The following COMMD1 variants were observed in gnomAD, a reference collection of about 807,000 sequenced individuals.
The protein encoded by COMMD1 is COMM domain-containing protein 1.
In COMMD1, 10 loss-of-function variants were observed where a neutral mutation model predicts 17.2. The ratio of observed to expected loss-of-function variants is 0.58; its 90% confidence interval spans 0.36 to 0.99. COMMD1 has a LOEUF of 0.99. Ranked by LOEUF, COMMD1 falls within the 50% of genes least tolerant of loss-of-function variation. The pLI is 0.01. For synonymous variants in COMMD1, 97 were observed against 91.6 expected, an observed-to-expected ratio of 1.06 and a Z score of -0.34; for missense variants, 270 against 231.8, an observed-to-expected ratio of 1.17 and a Z score of -1.07.
chr2:62,089,378 C>CG (rs895399490), intron 2 of COMMD1, among the ~76,000 whole-genome samples: 1 of 151,542 alleles, frequency 6.6e-6, no homozygotes, highest in African/African-American at 2.4e-5. Context: ...CTAAGCCCCC[C>CG]GGGTTCAAGT....
At chr2:61,990,933 C>CACACACACACACACAT (rs1672235968) in intron 1 of COMMD1, among the ~76,000 whole-genome samples, 1 of 150,206 alleles carries the variant, frequency 6.7e-6, no homozygotes, top group African/African-American at 2.5e-5. Flanking sequence ...CACACACACA[C>CACACACACACACACAT]ACACACATAA....
chr2:61,898,649 A>G lies in COMMD1; in HGVS notation n.119+9807A>G, dbSNP rs138508414. 1.1e-3 allele frequency among the ~76,000 whole-genome samples: 173 copies of G among 152,266 alleles called. 4 individuals carry two copies. In the East Asian group the frequency reaches 0.029, roughly 25 times the overall value. ...TTTTATATAATATTTTAATGTTTTC[A>G]GAGGTGGAAAACCTCATTAAAAAAA... is the stretch of plus-strand genomic sequence containing the variant. On this transcript the variant is annotated intron_variant and non_coding_transcript_variant, in intron 1 of 2. Transcript: ENST00000472729.
intron 1 of COMMD1, among the ~76,000 whole-genome samples, chr2:61,983,391 G>A (rs1221516329): frequency 6.6e-6 from 1 of 151,896 alleles, no homozygotes; most frequent in Non-Finnish European, 1.5e-5. Context: ...GGGGTTTACC[G>A]TGTTAGCCAG....
At chr2:61,920,838 A>T (rs969248876) in intron 1 of COMMD1, among the ~76,000 whole-genome samples, 11 of 151,746 alleles carry the variant, frequency 7.2e-5, no homozygotes, top group African/African-American at 2.4e-4. Flanking sequence ...CCTAACCCTT[A>T]AAGATTTTTA....
intron 1 of COMMD1, 144 bp downstream of exon 1, chr2:61,906,002 G>T: frequency 1.3e-6 from 1 of 795,604 alleles, no homozygotes; most frequent in Non-Finnish European, 2.1e-6. Context: ...TCCACATCGG[G>T]CTCCTTCAGA....
intron 1 of COMMD1, among the ~76,000 whole-genome samples, chr2:61,942,897 A>G (rs998372420): frequency 6.6e-6 from 1 of 152,184 alleles, no homozygotes; most frequent in Non-Finnish European, 1.5e-5. Flanking sequence ...CCAAAAACAC[A>G]TAACAGAATA....
At chr2:62,016,836 A>G (rs1669464393) in intron 2 of COMMD1, among the ~76,000 whole-genome samples, 1 of 152,152 alleles carries the variant, frequency 6.6e-6, no homozygotes. Context: ...TAAGGGTTCT[A>G]TAGTTTTCAC....
rs1380782291 is a variant in COMMD1, at chr2:61,922,629, G to A, written c.180+16771G>A. On this transcript the variant is annotated intron_variant, in intron 1 of 2. Transcript: ENST00000311832. ...CCATGCCCGGCCTAGGATTGTGGTA[G>A]TTTTATTATAAAAATTTGCGAGGTT... Among the ~76,000 whole-genome samples the A allele has an allele frequency of 2.0e-5, 3 of 152,110 alleles. No individual in the cohort carries two copies. In the East Asian group the frequency reaches 5.8e-4, roughly 29 times the overall value.
chr2:61,963,143 G>C (rs1168986042), intron 1 of COMMD1, among the ~76,000 whole-genome samples: 2 of 148,260 alleles, frequency 1.3e-5, no homozygotes, highest in Non-Finnish European at 3.0e-5. Flanking sequence ...CTGGGTGACA[G>C]AGTGAGACCC....
chr2:62,102,055 C>T (rs1672197186), intron 2 of COMMD1, among the ~76,000 whole-genome samples: 3 of 152,204 alleles, frequency 2.0e-5, no homozygotes, highest in Admixed American at 2.0e-4. Flanking sequence ...CCAGCCACCA[C>T]TCATCTCATT....
At chr2:61,998,954 C>G (rs1668846203) in intron 1 of COMMD1, among the ~76,000 whole-genome samples, 1 of 152,094 alleles carries the variant, frequency 6.6e-6, no homozygotes, top group Admixed American at 6.6e-5. Context: ...AAGAATTCCA[C>G]TAGTAACATT....
chr2:62,041,096 C>T (rs13393386), intron 2 of COMMD1, among the ~76,000 whole-genome samples: 1,847 of 152,300 alleles, frequency 0.012, 30 homozygotes, highest in African/African-American at 0.042. Context: ...CAGTCCATGC[C>T]ACCAGAAACT....
intron 1 of COMMD1, among the ~76,000 whole-genome samples, chr2:61,973,623 G>T (rs565297602): frequency 4.5e-4 from 68 of 152,164 alleles, no homozygotes; most frequent in Non-Finnish European, 2.4e-4. Flanking sequence ...TTTTCATACT[G>T]CTATTTTGTT....
intron 2 of COMMD1, among the ~76,000 whole-genome samples, chr2:62,028,030 T>C (rs1339062551): frequency 1.3e-5 from 2 of 152,176 alleles, no homozygotes; most frequent in African/African-American, 4.8e-5. Context: ...TGTTAGCCTG[T>C]TCAGTGCATT....
intron 2 of COMMD1, among the ~76,000 whole-genome samples, chr2:62,075,197 A>G (rs1250887099): frequency 6.6e-6 from 1 of 152,066 alleles, no homozygotes; most frequent in South Asian, 2.1e-4. Flanking sequence ...CCTGGTGCAC[A>G]TGTTTTTTAA....
intron 1 of COMMD1, among the ~76,000 whole-genome samples, chr2:61,975,118 C>CTTTCTTTT (rs375361774): frequency 2.5e-5 from 2 of 80,168 alleles, no homozygotes; most frequent in Non-Finnish European, 4.7e-5. Flanking sequence ...TCATTTCTTT[C>CTTTCTTTT]TTTTTTTTTT....
At chr2:62,056,995 T>C (rs919891239) in intron 2 of COMMD1, among the ~76,000 whole-genome samples, 3 of 152,188 alleles carry the variant, frequency 2.0e-5, no homozygotes, top group East Asian at 3.9e-4. Context: ...TTTTCTGCAG[T>C]GACAGCAACC....
intron 2 of COMMD1, among the ~76,000 whole-genome samples, chr2:62,104,550 C>T (rs1174436524): frequency 2.0e-5 from 3 of 146,780 alleles, no homozygotes; most frequent in Admixed American, 6.9e-5. Context: ...AGGAGAATCA[C>T]TTGAAGCCAG....
At chr2:61,908,245 T>TG (rs1318089995) in intron 1 of COMMD1, among the ~76,000 whole-genome samples, 1 of 150,960 alleles carries the variant, frequency 6.6e-6, no homozygotes, top group Non-Finnish European at 1.5e-5. Flanking sequence ...TTTTTTTTTT[T>TG]GAGACGGAGT....
Sources: gnomAD v4.1 joint callset for allele counts (sites outside exome capture counted in the v4.1 genomes callset) on GRCh38, gnomAD v4.1.1 for gene constraint, MANE v1.5 for transcripts, NCBI Gene and HGNC (gene_info 2026-07-23, HGNC 2026-07-21) for gene names.